The following SAMMSON variants were observed in gnomAD, a reference collection of about 807,000 sequenced individuals.
SAMMSON encodes long intergenic non-protein coding RNA 1212.
chr3:70,121,852 AT>A (rs2067435155), intron 4 of SAMMSON, among the ~76,000 whole-genome samples: 1 of 152,098 alleles, frequency 6.6e-6, no homozygotes, highest in Admixed American at 6.5e-5. Flanking sequence ...TTAAGCTTGC[AT>A]TCTCCCATTT....
chr3:70,223,552 T>C (rs1292420116), intron 4 of SAMMSON, among the ~76,000 whole-genome samples: 1 of 152,106 alleles, frequency 6.6e-6, no homozygotes, highest in Non-Finnish European at 1.5e-5. Context: ...GCTGAGGTTG[T>C]CTCCCCCACC....
intron 3 of SAMMSON, among the ~76,000 whole-genome samples, chr3:70,041,606 C>T (rs2067106544): frequency 6.6e-6 from 1 of 151,338 alleles, no homozygotes; most frequent in Admixed American, 6.6e-5. Context: ...ATTCGAGCAA[C>T]CACAGATTTA....
chr3:70,265,202 T>C (rs1298773899), intron 6 of SAMMSON, among the ~76,000 whole-genome samples: 1 of 152,096 alleles, frequency 6.6e-6, no homozygotes, highest in East Asian at 1.9e-4. Context: ...GAATGTAAAG[T>C]AGGCTAGTGT....
intron 3 of SAMMSON, among the ~76,000 whole-genome samples, chr3:70,038,306 T>C (rs780709190): frequency 6.6e-6 from 1 of 152,064 alleles, no homozygotes; most frequent in Non-Finnish European, 1.5e-5. Flanking sequence ...CAAGAATGAG[T>C]TGTTAAAATA....
chr3:70,185,502 T>C (rs559092889), intron 4 of SAMMSON, among the ~76,000 whole-genome samples: 5 of 152,164 alleles, frequency 3.3e-5, no homozygotes, highest in Admixed American at 6.5e-5. Flanking sequence ...AAGCCTGGCA[T>C]AGAATATCTA....
At chr3:70,346,385 C>T (rs1172999194) in intron 7 of SAMMSON, among the ~76,000 whole-genome samples, 2 of 151,358 alleles carry the variant, frequency 1.3e-5, no homozygotes, top group East Asian at 3.9e-4. Flanking sequence ...AGATTTTCTC[C>T]TATAGCCTTT....
intron 9 of SAMMSON, among the ~76,000 whole-genome samples, chr3:70,369,559 C>G (rs539054096): frequency 6.7e-6 from 1 of 150,122 alleles, no homozygotes; most frequent in South Asian, 2.1e-4. Context: ...AGGACTTCAT[C>G]TATGATGTTG....
chr3:70,280,914 C>T lies in SAMMSON; in HGVS notation n.675-10265C>T, dbSNP rs753191074. 9.2e-5 allele frequency among the ~76,000 whole-genome samples: 14 copies of T among 152,258 alleles called. No individual in the cohort carries two copies. The Middle Eastern group carries it at 0.017, about 185-fold the overall frequency. On this transcript the variant is annotated intron_variant and non_coding_transcript_variant, in intron 6 of 9. Coordinates refer to ENST00000642114, the Ensembl canonical transcript of SAMMSON. The stretch of plus-strand genomic sequence containing the variant: ...AACAGATAGGACTTGCTGGGTTTCC[C>T]TACTCAGTCTACTAGCATTAGATCA...
At chr3:70,389,364 T>C (rs1701023529) in intron 9 of SAMMSON, among the ~76,000 whole-genome samples, 1 of 152,222 alleles carries the variant, frequency 6.6e-6, no homozygotes, top group South Asian at 2.1e-4. Flanking sequence ...AAAAACTCAG[T>C]TTAAAATAAA....
intron 2 of SAMMSON, among the ~76,000 whole-genome samples, chr3:70,422,363 A>G (rs1340066823): frequency 1.3e-5 from 2 of 152,088 alleles, no homozygotes; most frequent in Non-Finnish European, 2.9e-5. Context: ...TAACTAACGT[A>G]CATTAGGTAA....
intron 7 of SAMMSON, among the ~76,000 whole-genome samples, chr3:70,324,507 A>G (rs958066191): frequency 6.6e-6 from 1 of 152,176 alleles, no homozygotes; most frequent in Non-Finnish European, 1.5e-5. Flanking sequence ...ATCCTAATAC[A>G]TATTCACATA....
At chr3:70,036,815 T>TA (rs1182281770) in intron 3 of SAMMSON, among the ~76,000 whole-genome samples, 1 of 151,958 alleles carries the variant, frequency 6.6e-6, no homozygotes, top group Non-Finnish European at 1.5e-5. Context: ...TGCTCTATAT[T>TA]AAAAAAATTG....
chr3:70,135,944 G>GT (rs10662195), intron 4 of SAMMSON, among the ~76,000 whole-genome samples: 102,081 of 146,700 alleles, frequency 0.7, 36,017 homozygotes, highest in Non-Finnish European at 0.76. Flanking sequence ...TTCTCTAAGT[G>GT]TTTTTTTTTT....
intron 3 of SAMMSON, among the ~76,000 whole-genome samples, chr3:70,039,987 C>A (rs895094872): frequency 6.6e-6 from 1 of 152,090 alleles, no homozygotes; most frequent in African/African-American, 2.4e-5. Context: ...TCTTGCAAAG[C>A]TCCTTTTAGT....
intron 3 of SAMMSON, chr3:70,069,624 C>A (rs922590377): frequency 6.6e-6 from 1 of 152,108 alleles, no homozygotes; most frequent in East Asian, 1.9e-4. Context: ...TGGATACTCA[C>A]ATAGTGCTTG....
chr3:70,318,086 G>T (rs1702508020), intron 7 of SAMMSON, among the ~76,000 whole-genome samples: 1 of 151,576 alleles, frequency 6.6e-6, no homozygotes, highest in Admixed American at 6.6e-5. Context: ...GATGTACTTA[G>T]ATGTAATTTT....
At chr3:70,134,791 G>A (rs1438360930) in intron 4 of SAMMSON, among the ~76,000 whole-genome samples, 4 of 151,712 alleles carry the variant, frequency 2.6e-5, no homozygotes, top group South Asian at 2.1e-4. Context: ...GGATACAGGC[G>A]GTACATTACT....
chr3:70,364,189 C>T lies in SAMMSON; in HGVS notation n.913+5865C>T, dbSNP rs193171029. ...AACCTTTCCAGTGCCCACTAGTTGT[C>T]CTTTGGCCATAGTTTCCCCAATTAT... On this transcript the variant is annotated intron_variant and non_coding_transcript_variant, in intron 9 of 9. Transcript: ENST00000642114. Among the ~76,000 whole-genome samples, 607 of 151,954 alleles carry T rather than the reference C, an allele frequency of 4.0e-3. 5 individuals carry two copies. The highest frequency in any genetic ancestry group is 7.5e-3 in the Non-Finnish European group (506 of 67,816).
chr3:70,108,272 C>T (rs2067374744), intron 4 of SAMMSON, among the ~76,000 whole-genome samples: 1 of 151,890 alleles, frequency 6.6e-6, no homozygotes, highest in South Asian at 2.1e-4. Context: ...CTGGTGGCTT[C>T]CCCTGGAATT....
Sources: allele counts gnomAD v4.1 joint callset (sites outside exome capture counted in the v4.1 genomes callset), GRCh38; gene constraint gnomAD v4.1.1; transcripts MANE v1.5; gene names NCBI Gene and HGNC (gene_info 2026-07-23, HGNC 2026-07-21).